Variants in PIK3R1 observed in about 807,000 individuals in gnomAD.
PIK3R1 encodes the protein phosphatidylinositol 3-kinase regulatory subunit alpha.
PIK3R1 carries 29 observed loss-of-function variants against 98.0 expected under a neutral mutation model. That is an observed-to-expected ratio of 0.30 (90% CI 0.22 to 0.40). The LOEUF is 0.40. Ranked by LOEUF, PIK3R1 falls within the 10% of genes least tolerant of loss-of-function variation. The probability of loss-of-function intolerance (pLI) is 1.00; values close to 1 mark genes in which losing one functional copy is unlikely to be tolerated. For synonymous variants in PIK3R1, 282 were observed against 311.8 expected (o/e 0.90, Z 1.01); for missense variants, 596 against 872.7 (o/e 0.68, Z 3.99).
intron 2 of PIK3R1, among the ~76,000 whole-genome samples, chr5:68,258,740 C>T (rs1485770787): frequency 1.3e-5 from 2 of 152,144 alleles, no homozygotes; most frequent in South Asian, 2.1e-4. Flanking sequence ...TCAGATGAAA[C>T]TGTTATTAAT....
At chr5:68,289,450 A>C (rs1049588569) in intron 7 of PIK3R1, among the ~76,000 whole-genome samples, 2 of 152,044 alleles carry the variant, frequency 1.3e-5, no homozygotes, top group African/African-American at 4.8e-5. Context: ...AGAAAGTCTC[A>C]AGGGTTTCTG....
rs745860837 is a variant in PIK3R1 at position 68,280,610 on chromosome 5, G to A, written c.717G>A (p.Thr239=). The change falls in exon 6 of 16, where the codon ACG becomes ACA. Residue 239 remains threonine, a synonymous_variant. Transcript: ENST00000521381. ...GCATACCTCATCAGTATTGGCTTACGCTTCAGTATTTGTTAAAACATTTCT... is the reference window on the plus strand; with the variant it reads ...GCATACCTCATCAGTATTGGCTTACACTTCAGTATTTGTTAAAACATTTCT... ...SPSIPHQYWL[T]LQYLLKHFFK... The A allele has an allele frequency of 1.9e-5, 30 of 1,612,996 alleles. No individual in the cohort carries two copies. The highest frequency in any genetic ancestry group is 5.4e-5 in the African/African-American group (4 of 74,754).
intron 12 of PIK3R1, 90 bp from the exon 13 acceptor site, chr5:68,295,058 G>C: frequency 1.9e-6 from 2 of 1,063,440 alleles, no homozygotes; most frequent in Non-Finnish European, 2.6e-6. Context: ...AAGGAAAACT[G>C]CTGGGAAACC....
At chr5:68,236,774 T>C (rs573413266) in intron 2 of PIK3R1, among the ~76,000 whole-genome samples, 241 of 152,338 alleles carry the variant, frequency 1.6e-3, no homozygotes, top group African/African-American at 5.6e-3. Flanking sequence ...CTTTATCTGT[T>C]AGGTTTCACT....
At chr5:68,234,299 G>A (rs541058850) in intron 2 of PIK3R1, among the ~76,000 whole-genome samples, 105 of 152,274 alleles carry the variant, frequency 6.9e-4, no homozygotes, top group African/African-American at 2.5e-3. Flanking sequence ...CAGAAAAATT[G>A]GTTCTCACTA....
intron 9 of PIK3R1, 38 bp downstream of exon 9, chr5:68,293,237 C>T (rs1322604471): frequency 1.3e-6 from 2 of 1,595,692 alleles, no homozygotes; most frequent in African/African-American, 2.7e-5. Flanking sequence ...GGGTTTTGGG[C>T]TGATATTAAA....
chr5:68,270,339 T>A (rs1480049663), intron 2 of PIK3R1, among the ~76,000 whole-genome samples: 1 of 152,192 alleles, frequency 6.6e-6, no homozygotes, highest in East Asian at 1.9e-4. Context: ...AATCCTTTTG[T>A]ATGGAGCATT....
Position 68,262,777 on chromosome 5 carries a change from GCATGTAGATA to G in PIK3R1, c.335-10606_335-10597del, listed in dbSNP as rs1745868627. Among the ~76,000 whole-genome samples the G allele has an allele frequency of 1.9e-5, 2 of 103,046 alleles. 1 individual carries two copies. The highest frequency in any genetic ancestry group is 4.0e-5 in the Non-Finnish European group (2 of 50,528). 67.6% of individuals were successfully genotyped at this position (103,046 alleles called of 152,430 possible). ...CATGTATACATATATACATGTAGAT[GCATGTAGATA>G]CATGTATACGTAGATACATGTATAC... On this transcript the variant is annotated intron_variant, in intron 2 of 15. Coordinates refer to ENST00000521381, the MANE Select transcript of PIK3R1 (RefSeq NM_181523.3).
intron 7 of PIK3R1, chr5:68,288,898 T>A (rs1011293358): frequency 1.4e-5 from 11 of 808,126 alleles, no homozygotes; most frequent in Non-Finnish European, 2.4e-5. Flanking sequence ...ACACTCCCCC[T>A]GTCCTCGAGG....
At chr5:68,279,539 A>G in intron 4 of PIK3R1, 63 bp from the exon 5 acceptor site, 1 of 1,354,100 alleles carries the variant, frequency 7.4e-7, no homozygotes, top group Admixed American at 2.1e-5. Context: ...TGTTCAGAAA[A>G]TTAGCCCAAC....
In PIK3R1 at chr5:68,297,990, G is replaced by A. The variant is rs948129333; in HGVS notation, c.*389G>A. 1.2e-4 allele frequency: 28 copies of A among 237,612 alleles called. No homozygotes were observed. Among genetic ancestry groups the A allele is most frequent in the Admixed American group, 5.5e-4 (10 of 18,150 alleles). The allele number at this position is 237,612 out of a possible 1,614,324, so 14.7% of individuals were successfully genotyped here. On this transcript the variant is annotated 3_prime_UTR_variant, in exon 16 of 16. Coordinates refer to ENST00000521381, the MANE Select transcript of PIK3R1 (RefSeq NM_181523.3). ...GCTGAAAGTTGGGACTCTGGAGAGC[G>A]GAGGAGAGAGAGGCAGAAGAACCCT...
chr5:68,247,215 C>T (rs919210297), intron 2 of PIK3R1, among the ~76,000 whole-genome samples: 1 of 152,304 alleles, frequency 6.6e-6, no homozygotes, highest in South Asian at 2.1e-4. Context: ...GTATGCTGCT[C>T]TCATGGTCTC....
intron 7 of PIK3R1, among the ~76,000 whole-genome samples, chr5:68,290,069 A>T (rs1416545086): frequency 6.6e-6 from 1 of 152,158 alleles, no homozygotes; most frequent in Non-Finnish European, 1.5e-5. Flanking sequence ...TAACTTTGGA[A>T]TGTTTGGTAG....
At chr5:68,296,884 C>CTTTCATT (rs1376678901) in intron 15 of PIK3R1, among the ~76,000 whole-genome samples, 3 of 152,146 alleles carry the variant, frequency 2.0e-5, no homozygotes, top group African/African-American at 7.2e-5. Context: ...CCATGATCAC[C>CTTTCATT]TTTCATTTAA....
chr5:68,295,135 C>T lies in PIK3R1; in HGVS notation c.1569-13C>T, dbSNP rs754457389. On this transcript the variant is annotated splice_polypyrimidine_tract_variant and intron_variant, in intron 12 of 15. Coordinates refer to ENST00000521381, the MANE Select transcript of PIK3R1 (RefSeq NM_181523.3). ...TACCCAGATAATAACAAATACGTTT[C>T]TTTTGCCTGCAGGATTATGCATAAT... 8 of 1,610,196 alleles carry T rather than the reference C, an allele frequency of 5.0e-6. No homozygotes were observed. The South Asian group carries it at 7.7e-5, about 16-fold the overall frequency.
intron 2 of PIK3R1, among the ~76,000 whole-genome samples, chr5:68,228,517 G>T (rs892106187): frequency 6.6e-6 from 1 of 152,014 alleles, no homozygotes; most frequent in Non-Finnish European, 1.5e-5. Context: ...ATGACTCTCC[G>T]CACATACATA....
intron 14 of PIK3R1, 94 bp from the exon 15 acceptor site, chr5:68,296,077 A>G (rs1580266841): frequency 8.2e-7 from 1 of 1,221,732 alleles, no homozygotes; most frequent in Non-Finnish European, 1.2e-6. Context: ...AGGGGCCAGG[A>G]GGGAAGTGAC....
In PIK3R1 at chr5:68,297,718, T is replaced by G. The variant is rs1027600799; in HGVS notation, c.*117T>G. 6 of 818,190 alleles carry G rather than the reference T, an allele frequency of 7.3e-6. No individual in the cohort carries two copies. Among genetic ancestry groups the G allele is most frequent in the Non-Finnish European group, 9.9e-6 (5 of 507,572 alleles). The allele number at this position is 818,190 out of a possible 1,614,324, so 50.7% of individuals were successfully genotyped here. On this transcript the variant is annotated 3_prime_UTR_variant, in exon 16 of 16. Transcript: ENST00000521381. ...AGCTGCAGAAACGAAGCCATCTTTC[T>G]TTGGATGGGACTAGAGCTTTCTTTC... is the stretch of plus-strand genomic sequence containing the variant.
At chr5:68,223,170 C>CAT (rs1744155672) in intron 1 of PIK3R1, among the ~76,000 whole-genome samples, 1 of 144,424 alleles carries the variant, frequency 6.9e-6, no homozygotes, top group Non-Finnish European at 1.5e-5. Context: ...ATCATCATCA[C>CAT]CCAATACTTA....
Sources: allele counts gnomAD v4.1 joint callset (sites outside exome capture counted in the v4.1 genomes callset), GRCh38; gene constraint gnomAD v4.1.1; transcripts MANE v1.5; gene names NCBI Gene and HGNC (gene_info 2026-07-23, HGNC 2026-07-21).